ASTN2: variants seen among roughly 807,000 people sequenced by gnomAD.
The protein encoded by ASTN2 is astrotactin-2.
A neutral mutation model predicts 139.8 loss-of-function variants in ASTN2; 54 were observed. The ratio of observed to expected loss-of-function variants is 0.39; its 90% CI spans 0.31 to 0.48. ASTN2 has a LOEUF of 0.48. Among genes scored for constraint, ASTN2 ranks in the 20% least tolerant of loss-of-function variants. The pLI is 0.95. For synonymous variants in ASTN2, 756 were observed against 719.5 expected (o/e 1.05, Z -0.81); for missense variants, 1,565 against 1,725.1 (o/e 0.91, Z 1.64).
At chr9:117,295,096 C>G (rs552955700) in intron 1 of ASTN2, among the ~76,000 whole-genome samples, 1 of 152,080 alleles carries the variant, frequency 6.6e-6, no homozygotes, top group Non-Finnish European at 1.5e-5. Context: ...CCGAGGCAGG[C>G]GGATCACTTG....
At chr9:117,412,278 G>C (rs1381128673) in intron 1 of ASTN2, among the ~76,000 whole-genome samples, 1 of 152,068 alleles carries the variant, frequency 6.6e-6, no homozygotes, top group African/African-American at 2.4e-5. Flanking sequence ...GCATCCAAAA[G>C]GCTCAGCGCT....
At chr9:116,927,995 TCTC>T (rs1834801519) in intron 10 of ASTN2, among the ~76,000 whole-genome samples, 1 of 152,138 alleles carries the variant, frequency 6.6e-6, no homozygotes, top group Non-Finnish European at 1.5e-5. Context: ...ACCCACAGTA[TCTC>T]CTCCTTGCTT....
intron 3 of ASTN2, among the ~76,000 whole-genome samples, chr9:117,158,792 C>T (rs928064257): frequency 2.0e-5 from 3 of 151,930 alleles, no homozygotes; most frequent in African/African-American, 4.8e-5. Flanking sequence ...TTACACTGTC[C>T]TATTAAATTT....
intron 19 of ASTN2, among the ~76,000 whole-genome samples, chr9:116,571,810 C>T (rs904139589): frequency 2.0e-5 from 3 of 151,946 alleles, no homozygotes; most frequent in African/African-American, 7.3e-5. Flanking sequence ...CTGTGTGCTT[C>T]CCGTGTGTGT....
intron 1 of ASTN2, among the ~76,000 whole-genome samples, chr9:117,353,400 G>C (rs1189123037): frequency 2.0e-5 from 3 of 152,128 alleles, no homozygotes; most frequent in Non-Finnish European, 4.4e-5. Flanking sequence ...GGGCTACTGA[G>C]CACTTGAAAT....
intron 10 of ASTN2, among the ~76,000 whole-genome samples, chr9:116,959,931 G>A (rs1009541010): frequency 2.6e-4 from 40 of 152,100 alleles, no homozygotes; most frequent in African/African-American, 9.4e-4. Flanking sequence ...TGTCAGTCGC[G>A]AGCAGAGCTT....
At chr9:116,945,908 C>A (rs1017437138) in intron 10 of ASTN2, among the ~76,000 whole-genome samples, 2 of 152,120 alleles carry the variant, frequency 1.3e-5, no homozygotes, top group Non-Finnish European at 2.9e-5. Context: ...CTCACTGTTC[C>A]ACAGAATTAA....
At chr9:117,142,990 G>C (rs1347711677) in intron 3 of ASTN2, among the ~76,000 whole-genome samples, 1 of 152,168 alleles carries the variant, frequency 6.6e-6, no homozygotes, top group Non-Finnish European at 1.5e-5. Flanking sequence ...GACAAAGAAG[G>C]CTCCTGAACA....
chr9:116,633,256 C>T (rs548480555), intron 17 of ASTN2, among the ~76,000 whole-genome samples: 2 of 152,314 alleles, frequency 1.3e-5, no homozygotes, highest in Admixed American at 1.3e-4. Context: ...GAGTCATCTT[C>T]CCAAGGCATC....
At chr9:116,673,651 G>A (rs771941202) in intron 16 of ASTN2, among the ~76,000 whole-genome samples, 1 of 152,206 alleles carries the variant, frequency 6.6e-6, no homozygotes, top group Non-Finnish European at 1.5e-5. Flanking sequence ...AGGAGGTAGA[G>A]ATTGAAGTTA....
chr9:117,358,784 C>T (rs1318479572), intron 1 of ASTN2, among the ~76,000 whole-genome samples: 2 of 152,086 alleles, frequency 1.3e-5, no homozygotes, highest in African/African-American at 2.4e-5. Flanking sequence ...CCCTCCAAAC[C>T]CCTCAAACAG....
chr9:116,606,171 AC>A (rs1855189820), intron 19 of ASTN2, among the ~76,000 whole-genome samples: 2 of 152,084 alleles, frequency 1.3e-5, no homozygotes, highest in East Asian at 3.9e-4. Context: ...GCATTCAGCC[AC>A]CCCCCACAAC....
At chr9:116,792,725 A>G (rs1292381051) in intron 13 of ASTN2, among the ~76,000 whole-genome samples, 2 of 152,184 alleles carry the variant, frequency 1.3e-5, no homozygotes, top group Admixed American at 6.5e-5. Context: ...TACGCAGAAG[A>G]CTTCTTTAAG....
At position 117,236,288 on chromosome 9, in the gene ASTN2, CCA is replaced by C. The variant is rs1833042562; in HGVS notation, c.631-21548_631-21547del. Among the ~76,000 whole-genome samples the C allele has an allele frequency of 3.9e-5, 6 of 152,246 alleles. No homozygotes were observed. The South Asian group carries it at 1.0e-3, about 26-fold the overall frequency. On this transcript the variant is annotated intron_variant, in intron 2 of 22. Transcript: ENST00000313400. ...AAAAATTCTGAGGTGCTGCATGAAT[CCA>C]CAGTCAGCCACAGTCCTGGAACAGT...
At chr9:116,744,106 G>A (rs1829171221) in intron 13 of ASTN2, among the ~76,000 whole-genome samples, 1 of 152,166 alleles carries the variant, frequency 6.6e-6, no homozygotes, top group Admixed American at 6.5e-5. Context: ...GCAGAAAAAG[G>A]AGGTGAGGGT....
At position 116,698,297 on chromosome 9, in the gene ASTN2, C is replaced by G. The variant is rs757526804; in HGVS notation, c.2806+27474G>C. ...TTCAGGCAAGGTATAAAGCAGTTCT[C>G]CAGGAGTATGGGCATGAGGAGCGCA... On this transcript the variant is annotated intron_variant, in intron 16 of 22. Coordinates refer to ENST00000313400, the MANE Select transcript of ASTN2 (RefSeq NM_001365068.1). This position sits in a 1 kb window ranked among gnomAD's most constrained non-coding sequence, Gnocchi z 4.4. 3 of 1,614,118 alleles carry G rather than the reference C, an allele frequency of 1.9e-6. No homozygotes were observed. The highest frequency in any genetic ancestry group is 3.3e-5 in the Admixed American group (2 of 60,018).
rs530769232 is a variant in ASTN2, at chr9:117,041,400, C to A, written c.1277-1435G>T. On this transcript the variant is annotated intron_variant, in intron 5 of 22. Coordinates refer to ENST00000313400, the MANE Select transcript of ASTN2 (RefSeq NM_001365068.1). The stretch of plus-strand genomic sequence containing the variant: ...ATTATCTTCTCCTTAAAGCCTCCCC[C>A]TCCTGAGATCCTCAGCTTATTGAAA... 3.3e-5 allele frequency among the ~76,000 whole-genome samples: 5 copies of A among 152,264 alleles called. No homozygotes were observed. In the East Asian group the frequency reaches 7.7e-4, roughly 24 times the overall value.
At chr9:117,352,662 A>C (rs769833602) in intron 1 of ASTN2, among the ~76,000 whole-genome samples, 4 of 152,200 alleles carry the variant, frequency 2.6e-5, no homozygotes, top group Non-Finnish European at 5.9e-5. Context: ...ATAATTCTAG[A>C]ATTTAAGGAT....
At chr9:117,211,694 A>G (rs1445498535) in intron 3 of ASTN2, among the ~76,000 whole-genome samples, 4 of 152,196 alleles carry the variant, frequency 2.6e-5, no homozygotes, top group African/African-American at 9.7e-5. Flanking sequence ...ACTGATAAAA[A>G]AATTCGGAAA....
Sources: gnomAD v4.1 joint callset for allele counts (sites outside exome capture counted in the v4.1 genomes callset) on GRCh38, gnomAD v4.1.1 for gene constraint, Gnocchi (gnomAD v3.1) non-coding constraint, MANE v1.5 for transcripts, NCBI Gene and HGNC (gene_info 2026-07-23, HGNC 2026-07-21) for gene names.